PLAT: variants seen among roughly 807,000 people sequenced by gnomAD.
PLAT encodes the protein tissue-type plasminogen activator.
A neutral mutation model predicts 74.9 loss-of-function variants in PLAT; 48 were observed. The ratio of observed to expected loss-of-function variants is 0.64; its 90% confidence interval spans 0.51 to 0.82. The LOEUF (loss-of-function observed/expected upper bound fraction) is 0.82. Ranked by LOEUF, PLAT falls within the 40% of genes least tolerant of loss-of-function variation. The pLI is 0.00. For missense variants in PLAT, 673 were observed against 736.2 expected (o/e 0.91, Z 0.99); for synonymous variants, 307 against 294.4 (o/e 1.04, Z -0.44).
chr8:42,187,870 G>A, intron 5 of PLAT, 36 bp downstream of exon 5: 1 of 1,339,274 alleles, frequency 7.5e-7, no homozygotes, highest in Non-Finnish European at 1.1e-6. Flanking sequence ...GGAGAGGTGG[G>A]ATTTCAGCTC....
At chr8:42,198,751 T>C (rs1020195694) in intron 1 of PLAT, among the ~76,000 whole-genome samples, 1 of 152,212 alleles carries the variant, frequency 6.6e-6, no homozygotes, top group Non-Finnish European at 1.5e-5. Flanking sequence ...GTCAAGGAGA[T>C]TCTTAGGTTA....
chr8:42,201,635 T>C (rs1806136600), intron 1 of PLAT, among the ~76,000 whole-genome samples: 1 of 152,218 alleles, frequency 6.6e-6, no homozygotes, highest in African/African-American at 2.4e-5. Context: ...CAGGAGCCAT[T>C]ATTTCCTGAA....
chr8:42,203,009 G>A (rs567402543), intron 1 of PLAT, among the ~76,000 whole-genome samples: 24 of 152,216 alleles, frequency 1.6e-4, no homozygotes, highest in South Asian at 8.3e-4. Flanking sequence ...AGTCGCCCCC[G>A]GGCTCTTCTG....
intron 1 of PLAT, among the ~76,000 whole-genome samples, chr8:42,204,433 T>C (rs1317986688): frequency 2.0e-5 from 3 of 152,144 alleles, no homozygotes; most frequent in Admixed American, 2.0e-4. Context: ...AGGTGCATAA[T>C]GCCAAATAAT....
At chr8:42,199,657 T>C (rs1323649696) in intron 1 of PLAT, among the ~76,000 whole-genome samples, 1 of 152,208 alleles carries the variant, frequency 6.6e-6, no homozygotes, top group Non-Finnish European at 1.5e-5. Flanking sequence ...TGGGGAATTT[T>C]GGTTGTGGGT....
rs778071235 is a variant in PLAT, at chr8:42,182,738, C to G, written c.784G>C (p.Gly262Arg). 1.9e-6 allele frequency: 3 copies of G among 1,604,990 alleles called. No homozygotes were observed. The African/African-American group carries it at 4.0e-5, about 22-fold the overall frequency. ...ACCTACCGGCAGTAATTATGTTTGC[C>G]CAGGCCCAGTGCCTGGGCACTGGGG... Reference protein sequence around the residue: ...QNPSAQALGLGKHNYCRNPDG... With the variant: ...QNPSAQALGLRKHNYCRNPDG... The change falls in exon 8 of 14, where the codon GGC becomes CGC. Residue 262 changes from glycine to arginine, a missense_variant. By Grantham distance (125) the Gly-to-Arg change is moderately radical (BLOSUM62 -2). Coordinates refer to ENST00000220809, the MANE Select transcript of PLAT (RefSeq NM_000930.5).
At chr8:42,193,060 C>G in intron 2 of PLAT, 54 bp downstream of exon 2, 2 of 1,275,286 alleles carry the variant, frequency 1.6e-6, no homozygotes, top group Non-Finnish European at 2.3e-6. Context: ...CCCCTGGAGC[C>G]TCCGGAAGCA....
chr8:42,206,224 T>A (rs1806325208), intron 1 of PLAT, among the ~76,000 whole-genome samples: 1 of 152,202 alleles, frequency 6.6e-6, no homozygotes. Flanking sequence ...GGCTTTATCA[T>A]TTGATCCAGA....
intron 13 of PLAT, 91 bp downstream of exon 13, chr8:42,178,806 G>T: frequency 8.0e-7 from 1 of 1,247,062 alleles, no homozygotes; most frequent in Non-Finnish European, 1.1e-6. Context: ...CTCCACTCTG[G>T]TGATAACTTT....
rs1338023871 is a variant in PLAT at position 42,179,055 on chromosome 8, AAGG to A, written c.1369_1371del (p.Pro457del). 4 of 1,611,086 alleles carry A rather than the reference AAGG, an allele frequency of 2.5e-6. No individual in the cohort carries two copies. The highest frequency in any genetic ancestry group is 3.4e-6 in the Non-Finnish European group (4 of 1,178,040). On this transcript the variant is annotated inframe_deletion, in exon 13 of 14. Transcript: ENST00000220809. ...GCCTCCTTCAGCCGCTCCGAATAGA[AAGG>A]AGACACTGAAAGGGGAGAACCATCA...
rs1456410887 is a variant in PLAT at position 42,175,652 on chromosome 8, T to C, written c.*341A>G. The C allele has an allele frequency of 4.5e-6, 1 of 223,272 alleles. No individual in the cohort carries two copies. The highest frequency in any genetic ancestry group is 2.2e-5 in the African/African-American group (1 of 44,764). 13.8% of individuals were successfully genotyped at this position (223,272 alleles called of 1,614,324 possible). On this transcript the variant is annotated 3_prime_UTR_variant, in exon 14 of 14. Transcript: ENST00000220809. ...ATGCTTTCATTTTTGTGGTCCTGTT[T>C]CCAAAGCTGCTCACGGTGACAGGTC... is the stretch of plus-strand genomic sequence containing the variant.
Position 42,180,514 on chromosome 8 carries a change from G to A in PLAT, c.1061C>T (p.Ser354Phe). ...GILISSCWILSAAHCFQERFP... is the reference protein window; with the variant it reads ...GILISSCWILFAAHCFQERFP... The stretch of plus-strand genomic sequence containing the variant: ...CCTCTCCTGGAAGCAGTGGGCGGCA[G>A]AGAGAATCCAGCAGGAGCTGATGAG... Residue 354 changes from serine (S) to phenylalanine (F), a missense_variant, in exon 10 of 14, where the codon TCT becomes TTT. Ser to Phe is a radical substitution (Grantham distance 155). Transcript: ENST00000220809. The A allele has an allele frequency of 6.2e-7, 1 of 1,614,126 alleles. No homozygotes were observed. Among genetic ancestry groups the A allele is most frequent in the South Asian group, 1.1e-5 (1 of 91,090 alleles).
At position 42,207,540 on chromosome 8, in the gene PLAT, C is replaced by G. The variant is rs1806393233; in HGVS notation, c.-73G>C. On this transcript the variant is annotated 5_prime_UTR_variant, in exon 1 of 14. Coordinates refer to ENST00000220809, the MANE Select transcript of PLAT (RefSeq NM_000930.5). ...CCTCGCAGAGGTTTTCTCTCCAGCC[C>G]TGGACTCCTGTAGGATCTCAGCTCT... 1 of 152,300 alleles carries G rather than the reference C, an allele frequency of 6.6e-6. No individual in the cohort carries two copies. Among genetic ancestry groups the G allele is most frequent in the Admixed American group, 6.5e-5 (1 of 15,286 alleles). 9.4% of individuals were successfully genotyped at this position (152,300 alleles called of 1,614,324 possible). A position where few individuals can be genotyped will look rare whatever the true frequency, so the allele number is the denominator to read the frequency against.
At chr8:42,197,287 A>G (rs1279826394) in intron 1 of PLAT, among the ~76,000 whole-genome samples, 4 of 152,222 alleles carry the variant, frequency 2.6e-5, no homozygotes, top group South Asian at 2.1e-4. Flanking sequence ...CTGCATGTGC[A>G]TCCTGCAGAG....
intron 1 of PLAT, among the ~76,000 whole-genome samples, chr8:42,199,992 G>A (rs1320841049): frequency 6.6e-6 from 1 of 152,128 alleles, no homozygotes; most frequent in African/African-American, 2.4e-5. Flanking sequence ...CAACACACTT[G>A]AATTAGGAAA....
chr8:42,189,094 C>T (rs1323238943), intron 3 of PLAT, 23 bp from the exon 4 acceptor site: 1 of 1,608,860 alleles, frequency 6.2e-7, no homozygotes, highest in Non-Finnish European at 8.5e-7. Context: ...ACAGGCCAGC[C>T]TCATCAGAGT....
chr8:42,193,042 G>T, intron 2 of PLAT, 72 bp downstream of exon 2: 1 of 1,071,264 alleles, frequency 9.3e-7, no homozygotes, highest in Non-Finnish European at 1.4e-6. Context: ...GGCCCAGATG[G>T]ACACAGACCC....
At chr8:42,189,812 T>C (rs1805617518) in intron 3 of PLAT, among the ~76,000 whole-genome samples, 1 of 151,990 alleles carries the variant, frequency 6.6e-6, no homozygotes, top group African/African-American at 2.4e-5. Flanking sequence ...TTGGACAGGC[T>C]GGTCTCGAAC....
rs8178764 is a variant in PLAT, at chr8:42,185,073, C to T, written c.631+8G>A. The T allele has an allele frequency of 2.2e-4, 342 of 1,583,674 alleles. 1 individual carries two copies. The African/African-American group carries it at 4.2e-3, about 19-fold the overall frequency. ...CATTCAGGGAAAGGCGGGGTGGCTG[C>T]CACTTACCCTCAGAGCAGGCAGGGG... On this transcript the variant is annotated splice_region_variant and intron_variant, in intron 7 of 13. Coordinates refer to ENST00000220809, the MANE Select transcript of PLAT (RefSeq NM_000930.5).
Sources: gnomAD v4.1 joint callset for allele counts (sites outside exome capture counted in the v4.1 genomes callset) on GRCh38, gnomAD v4.1.1 for gene constraint, MANE v1.5 for transcripts, NCBI Gene and HGNC (gene_info 2026-07-23, HGNC 2026-07-21) for gene names.